Variants in TUSC3 observed in about 807,000 individuals in gnomAD.
TUSC3 encodes the protein tumor suppressor candidate 3.
Under a neutral mutation model 44.8 loss-of-function variants are expected in TUSC3, and 45 were observed. That is an observed-to-expected ratio of 1.00 (90% CI 0.79 to 1.29). The LOEUF is 1.29. TUSC3 is among the 50% of genes most tolerant of loss of function. The pLI is 0.00. For missense variants in TUSC3, 519 were observed against 437.9 expected, an observed-to-expected ratio of 1.19 and a Z score of -1.65; for synonymous variants, 212 against 152.9, an observed-to-expected ratio of 1.39 and a Z score of -2.85.
intron 2 of TUSC3, among the ~76,000 whole-genome samples, chr8:15,503,196 G>A (rs1245389289): frequency 6.6e-6 from 1 of 152,100 alleles, no homozygotes; most frequent in African/African-American, 2.4e-5. Context: ...TAACATGACA[G>A]ATGTGGACAC....
At chr8:15,775,959 T>G in the TUSC3 span, among the ~76,000 whole-genome samples, 1 of 151,864 alleles carries the variant, frequency 6.6e-6, no homozygotes, top group South Asian at 2.1e-4. Flanking sequence ...CATTTAATAT[T>G]TAAATAATGG....
the TUSC3 span, among the ~76,000 whole-genome samples, chr8:15,834,911 T>G: frequency 6.6e-6 from 1 of 152,192 alleles, no homozygotes; most frequent in East Asian, 1.9e-4. Context: ...AACTGACTTT[T>G]CATGTGCACA....
rs181719451 is a variant in TUSC3, at chr8:15,639,166, T to C, written c.309-11531T>C. 2.6e-4 allele frequency among the ~76,000 whole-genome samples: 39 copies of C among 152,012 alleles called. No individual in the cohort carries two copies. The East Asian group carries it at 6.8e-3, about 26-fold the overall frequency. On this transcript the variant is annotated intron_variant, in intron 2 of 10. Coordinates refer to ENST00000503731, the MANE Select transcript of TUSC3 (RefSeq NM_006765.4). The stretch of plus-strand genomic sequence containing the variant: ...GGCTTCAGTGATGATCATGTGTCGA[T>C]GCTAGATCACGTGATGTTCAGGGCT...
intron 6 of TUSC3, among the ~76,000 whole-genome samples, chr8:15,712,840 A>C (rs2129200411): frequency 6.6e-6 from 1 of 152,244 alleles, no homozygotes; most frequent in South Asian, 2.1e-4. Flanking sequence ...ATGTAAACTA[A>C]ACTACTACAA....
the TUSC3 span, among the ~76,000 whole-genome samples, chr8:15,812,359 T>A: frequency 6.6e-6 from 1 of 152,182 alleles, no homozygotes; most frequent in Admixed American, 6.5e-5. Flanking sequence ...GGAGTCAAAA[T>A]ATGAAAGTGC....
At chr8:15,614,857 G>C (rs1028094732) in intron 1 of TUSC3, among the ~76,000 whole-genome samples, 1 of 146,404 alleles carries the variant, frequency 6.8e-6, no homozygotes, top group Admixed American at 7.0e-5. Context: ...CCTTGGGTTA[G>C]AATTGAAATT....
At chr8:15,691,214 G>C (rs950930776) in intron 6 of TUSC3, among the ~76,000 whole-genome samples, 4 of 151,858 alleles carry the variant, frequency 2.6e-5, no homozygotes, top group Non-Finnish European at 5.9e-5. Flanking sequence ...ATATTTCAGA[G>C]GTCTTTTACC....
At chr8:15,466,119 C>T (rs1361932916) in intron 1 of TUSC3, among the ~76,000 whole-genome samples, 1 of 152,078 alleles carries the variant, frequency 6.6e-6, no homozygotes. Context: ...ATTATTTTTA[C>T]TGAAACAAAC....
chr8:15,470,634 A>T (rs1366132532), intron 1 of TUSC3, among the ~76,000 whole-genome samples: 2 of 152,206 alleles, frequency 1.3e-5, no homozygotes, highest in African/African-American at 4.8e-5. Context: ...AGTAGTACAC[A>T]GCAGGTCCCC....
upstream of TUSC3, among the ~76,000 whole-genome samples, chr8:15,535,957 A>G (rs1801516574): frequency 6.6e-6 from 1 of 152,200 alleles, no homozygotes; most frequent in Non-Finnish European, 1.5e-5. Flanking sequence ...GCAGCCCAAT[A>G]CAAATTCATA....
intron 2 of TUSC3, among the ~76,000 whole-genome samples, chr8:15,503,483 A>T (rs1800997866): frequency 6.6e-6 from 1 of 152,136 alleles, no homozygotes; most frequent in Admixed American, 6.5e-5. Context: ...TCTCAATAAT[A>T]TGTATTTTCA....
At chr8:15,676,825 T>G (rs561765879) in intron 6 of TUSC3, among the ~76,000 whole-genome samples, 1 of 152,280 alleles carries the variant, frequency 6.6e-6, no homozygotes, top group East Asian at 1.9e-4. Flanking sequence ...CTGCATATTT[T>G]GCAGCTAAGA....
chr8:15,842,345 C>T, the TUSC3 span, among the ~76,000 whole-genome samples: 1 of 152,158 alleles, frequency 6.6e-6, no homozygotes, highest in Non-Finnish European at 1.5e-5. Flanking sequence ...AGTCTTAATA[C>T]TTACCTCATA....
At chr8:15,828,399 T>C in the TUSC3 span, among the ~76,000 whole-genome samples, 1 of 152,246 alleles carries the variant, frequency 6.6e-6, no homozygotes, top group Non-Finnish European at 1.5e-5. Flanking sequence ...ATCTACTGTC[T>C]TAGTTTCTGT....
chr8:15,796,098 G>A, the TUSC3 span, among the ~76,000 whole-genome samples: 1 of 152,168 alleles, frequency 6.6e-6, no homozygotes, highest in African/African-American at 2.4e-5. Context: ...GGTCTGGCTT[G>A]CATGGTGGCC....
chr8:15,439,522 C>T (rs1198506235), intron 1 of TUSC3, among the ~76,000 whole-genome samples: 1 of 152,042 alleles, frequency 6.6e-6, no homozygotes, highest in African/African-American at 2.4e-5. Flanking sequence ...ACACCACTGC[C>T]CTCCAGCCTG....
At chr8:15,734,363 T>A (rs1369434869) in intron 7 of TUSC3, among the ~76,000 whole-genome samples, 1 of 152,178 alleles carries the variant, frequency 6.6e-6, no homozygotes, top group African/African-American at 2.4e-5. Context: ...AGAATAAAAA[T>A]ATCTCCATAT....
intron 2 of TUSC3, among the ~76,000 whole-genome samples, chr8:15,504,322 A>G (rs1180326654): frequency 6.6e-6 from 1 of 151,914 alleles, no homozygotes; most frequent in South Asian, 2.1e-4. Context: ...ATAGACTTCT[A>G]AAACCTCATA....
At chr8:15,763,503 T>C (rs1241366223) in intron 10 of TUSC3, among the ~76,000 whole-genome samples, 1 of 152,018 alleles carries the variant, frequency 6.6e-6, no homozygotes, top group Non-Finnish European at 1.5e-5. Flanking sequence ...CAAAGTTGTC[T>C]TGTGTTGTCA....
Sources: allele counts gnomAD v4.1 joint callset (sites outside exome capture counted in the v4.1 genomes callset), GRCh38; gene constraint gnomAD v4.1.1; transcripts MANE v1.5; gene names NCBI Gene and HGNC (gene_info 2026-07-23, HGNC 2026-07-21).